Variants in BICD1 observed in about 807,000 individuals in gnomAD.
BICD1 encodes BICD cargo adaptor 1, also known as protein bicaudal D homolog 1.
A neutral mutation model predicts 92.5 loss-of-function variants in BICD1; 35 were observed. That is an observed-to-expected ratio of 0.38 (90% CI 0.29 to 0.50). BICD1 has a LOEUF of 0.50. BICD1 is among the 20% of genes least tolerant of loss of function. The pLI is 0.93. For synonymous variants in BICD1, 429 were observed against 465.1 expected (o/e 0.92, Z 1.00); for missense variants, 950 against 1,189.8 (o/e 0.80, Z 2.97).
At chr12:32,288,388 T>C (rs1364776619) in intron 2 of BICD1, among the ~76,000 whole-genome samples, 3 of 151,898 alleles carry the variant, frequency 2.0e-5, no homozygotes, top group South Asian at 4.2e-4. Context: ...TGCACCACCA[T>C]ACCTGGCTAA....
intron 2 of BICD1, among the ~76,000 whole-genome samples, chr12:32,287,533 T>G (rs1308898876): frequency 3.1e-5 from 4 of 128,286 alleles, no homozygotes; most frequent in Non-Finnish European, 7.4e-5. Flanking sequence ...TGGGTGGTGT[T>G]TTTTTTTTTG....
intron 1 of BICD1, among the ~76,000 whole-genome samples, chr12:32,158,437 G>A (rs1256203142): frequency 1.3e-5 from 2 of 151,946 alleles, no homozygotes; most frequent in African/African-American, 4.8e-5. Flanking sequence ...CAGCCTGGGC[G>A]ACACGGTGAG....
chr12:32,246,083 C>CA lies in BICD1; in HGVS notation c.426+29631dup, dbSNP rs1354499777. ...AAAAGGATGAAATCACAACTTGGAG[C>CA]AAAAAAACCCAAAGGCATATTTAAA... On this transcript the variant is annotated intron_variant, in intron 2 of 9. Transcript: ENST00000652176. Among the ~76,000 whole-genome samples the CA allele has an allele frequency of 7.8e-5, 9 of 115,164 alleles. No homozygotes were observed. In the South Asian group the frequency reaches 1.5e-3, roughly 19 times the overall value. 75.6% of individuals were successfully genotyped at this position (115,164 alleles called of 152,430 possible).
At chr12:32,154,731 G>A (rs1943390764) in intron 1 of BICD1, among the ~76,000 whole-genome samples, 1 of 152,040 alleles carries the variant, frequency 6.6e-6, no homozygotes, top group Non-Finnish European at 1.5e-5. Context: ...ATATTGTCTT[G>A]TATAAATGAA....
At chr12:32,172,667 G>T (rs879813038) in intron 1 of BICD1, among the ~76,000 whole-genome samples, 1 of 152,176 alleles carries the variant, frequency 6.6e-6, no homozygotes, top group African/African-American at 2.4e-5. Flanking sequence ...GTCCTCCAGG[G>T]TTTTTATGAA....
At chr12:32,307,020 A>AAAAAAG (rs1297472630) in intron 4 of BICD1, among the ~76,000 whole-genome samples, 6 of 152,252 alleles carry the variant, frequency 3.9e-5, no homozygotes, top group Admixed American at 2.6e-4. Context: ...CATCTCAAAA[A>AAAAAAG]AAAAAGAAAA....
intron 1 of BICD1, among the ~76,000 whole-genome samples, chr12:32,115,389 T>G (rs936486957): frequency 1.3e-4 from 4 of 31,102 alleles, no homozygotes; most frequent in African/African-American, 4.4e-4. Context: ...TGTTTTTGGT[T>G]TTTTTTTTTT....
chr12:32,250,198 G>A (rs1946490834), intron 2 of BICD1, among the ~76,000 whole-genome samples: 1 of 152,106 alleles, frequency 6.6e-6, no homozygotes, highest in Non-Finnish European at 1.5e-5. Flanking sequence ...GGTTGAGATG[G>A]GCCATTCTGC....
At chr12:32,127,720 GA>G (rs35798183) in intron 1 of BICD1, among the ~76,000 whole-genome samples, 43,920 of 151,936 alleles carry the variant, frequency 0.29, 6,581 homozygotes, top group Admixed American at 0.43. Flanking sequence ...AAGTGTGAAC[GA>G]AGGCAGATCA....
At chr12:32,298,816 G>T (rs898514680) in intron 3 of BICD1, among the ~76,000 whole-genome samples, 6 of 145,480 alleles carry the variant, frequency 4.1e-5, no homozygotes, top group African/African-American at 1.6e-4. Context: ...ATTGCAGTGA[G>T]CCGAGATCAT....
chr12:32,357,222 A>C (rs1939150915), intron 8 of BICD1, among the ~76,000 whole-genome samples: 1 of 152,080 alleles, frequency 6.6e-6, no homozygotes, highest in South Asian at 2.1e-4. Flanking sequence ...CATGTTGGCC[A>C]GGCTGGTCTC....
chr12:32,127,877 C>T (rs1673859), intron 1 of BICD1, among the ~76,000 whole-genome samples: 43,688 of 151,232 alleles, frequency 0.29, 6,534 homozygotes, highest in Admixed American at 0.43. Context: ...TAGATGTTAC[C>T]AGAAATCTTA....
chr12:32,161,951 G>C (rs1943614348), intron 1 of BICD1, among the ~76,000 whole-genome samples: 1 of 152,120 alleles, frequency 6.6e-6, no homozygotes, highest in Non-Finnish European at 1.5e-5. Context: ...AAAAAAAGCT[G>C]TCAAGATCAG....
chr12:32,356,361 A>C (rs1939097778), intron 8 of BICD1, among the ~76,000 whole-genome samples: 1 of 152,110 alleles, frequency 6.6e-6, no homozygotes, highest in Admixed American at 6.6e-5. Context: ...GAGAATAGAG[A>C]ATAAAGAGGG....
intron 8 of BICD1, among the ~76,000 whole-genome samples, chr12:32,364,018 TCACCAC>T (rs1270958277): frequency 7.2e-6 from 1 of 138,726 alleles, no homozygotes; most frequent in Non-Finnish European, 1.6e-5. Flanking sequence ...ACCATCACCA[TCACCAC>T]CATCATCACC....
chr12:32,323,205 A>G, intron 4 of BICD1, among the ~76,000 whole-genome samples: 1 of 152,216 alleles, frequency 6.6e-6, no homozygotes, highest in East Asian at 1.9e-4. Flanking sequence ...GTCTGTTATA[A>G]CTAATGAAAT....
intron 1 of BICD1, 73 bp downstream of exon 1, chr12:32,107,617 A>G (rs1356485026): frequency 4.9e-6 from 7 of 1,438,910 alleles, no homozygotes; most frequent in Non-Finnish European, 6.6e-6. Context: ...ATCATGATCA[A>G]GAAGTCATAA....
chr12:32,216,413 A>G lies in BICD1; in HGVS notation c.380A>G (p.Gln127Arg). Reference sequence around the variant, plus strand: ...AGCCGGGCTGTGGTCACTAATGTACAGGCAGAAAACGAGAGGCTCACCGCA... The same window carrying G: ...AGCCGGGCTGTGGTCACTAATGTACGGGCAGAAAACGAGAGGCTCACCGCA... ...KQSRAVVTNV[Q>R]AENERLTAVV... The change falls in exon 2 of 10, where the codon CAG becomes CGG. Residue 127 changes from glutamine (Q) to arginine (R), a missense_variant. Gln to Arg is a conservative substitution (Grantham distance 43). Transcript: ENST00000652176. 1.2e-6 allele frequency: 2 copies of G among 1,614,228 alleles called. No individual in the cohort carries two copies. Among genetic ancestry groups the G allele is most frequent in the South Asian group, 2.2e-5 (2 of 91,086 alleles).
chr12:32,367,598 T>G, intron 8 of BICD1, 72 bp from the exon 9 acceptor site: 1 of 1,406,076 alleles, frequency 7.1e-7, no homozygotes, highest in Admixed American at 1.7e-5. Flanking sequence ...AGGCAGCTGC[T>G]TTAGTCACTG....
Sources: gnomAD v4.1 joint callset for allele counts (sites outside exome capture counted in the v4.1 genomes callset) on GRCh38, gnomAD v4.1.1 for gene constraint, MANE v1.5 for transcripts, NCBI Gene and HGNC (gene_info 2026-07-23, HGNC 2026-07-21) for gene names.